Variants in AASS observed in about 807,000 individuals in gnomAD.
AASS encodes the protein aminoadipate-semialdehyde synthase, also known as alpha-aminoadipic semialdehyde synthase, mitochondrial.
A neutral mutation model predicts 105.4 loss-of-function variants in AASS; 86 were observed. That is an observed-to-expected ratio of 0.82 (90% CI 0.69 to 0.98). The LOEUF (loss-of-function observed/expected upper bound fraction) is 0.98. Ranked by LOEUF, AASS falls within the 50% of genes least tolerant of loss-of-function variation. The pLI is 0.00. For missense variants in AASS, 1,048 were observed against 1,143.2 expected, an observed-to-expected ratio of 0.92 and a Z score of 1.20; for synonymous variants, 381 against 394.8, an observed-to-expected ratio of 0.96 and a Z score of 0.41.
intron 11 of AASS, among the ~76,000 whole-genome samples, chr7:122,102,427 C>T (rs1406850814): frequency 6.6e-6 from 1 of 151,868 alleles, no homozygotes; most frequent in Non-Finnish European, 1.5e-5. Context: ...GAATATACTG[C>T]CAAGAAGTAA....
intron 1 of AASS, among the ~76,000 whole-genome samples, chr7:122,134,178 C>A (rs1207807066): frequency 1.3e-5 from 2 of 152,098 alleles, no homozygotes; most frequent in Admixed American, 6.5e-5. Flanking sequence ...CAATTTAGTG[C>A]CAACCTCTTT....
chr7:122,080,341 G>A (rs1793250353), intron 20 of AASS, among the ~76,000 whole-genome samples: 1 of 152,162 alleles, frequency 6.6e-6, no homozygotes, highest in Non-Finnish European at 1.5e-5. Flanking sequence ...TTGAAACACA[G>A]TCATGCTCAT....
At chr7:122,133,471 A>T (rs772959878) in intron 2 of AASS, 46 bp downstream of exon 2, 2 of 1,589,688 alleles carry the variant, frequency 1.3e-6, no homozygotes, top group South Asian at 2.2e-5. Context: ...TAATTTTCAT[A>T]TGCAGGTTCA....
Position 122,076,229 on chromosome 7 carries a change from A to G in AASS, c.*260T>C. On this transcript the variant is annotated 3_prime_UTR_variant, in exon 24 of 24. Coordinates refer to ENST00000417368, the MANE Select transcript of AASS (RefSeq NM_005763.4). ...AGAAAAAAAGTGGCACAATAAATTA[A>G]CAAATAGCATGATCATCACTTTCAC... The G allele has an allele frequency of 2.5e-6, 1 of 396,160 alleles. No homozygotes were observed. Among genetic ancestry groups the G allele is most frequent in the South Asian group, 3.3e-5 (1 of 30,470 alleles). The allele number at this position is 396,160 out of a possible 1,614,324, so 24.5% of individuals were successfully genotyped here. A position where few individuals can be genotyped will look rare whatever the true frequency, so the allele number is the denominator to read the frequency against.
intron 22 of AASS, 100 bp from the exon 23 acceptor site, chr7:122,078,114 CT>C: frequency 8.9e-7 from 1 of 1,123,390 alleles, no homozygotes; most frequent in Non-Finnish European, 1.3e-6. Flanking sequence ...GTTTTCCCTC[CT>C]TTTATATATG....
chr7:122,143,926 A>T (rs1398820992), intron 1 of AASS, among the ~76,000 whole-genome samples: 1 of 152,062 alleles, frequency 6.6e-6, no homozygotes, highest in Non-Finnish European at 1.5e-5. Context: ...CTCGCAGTGA[A>T]ACTCTCTGCG....
chr7:122,127,737 G>A (rs1425597633), intron 3 of AASS, among the ~76,000 whole-genome samples: 2 of 151,832 alleles, frequency 1.3e-5, no homozygotes, highest in Non-Finnish European at 2.9e-5. Flanking sequence ...CCCTAATCTC[G>A]GATCCTAGCT....
chr7:122,100,932 C>T (rs1336874610), intron 13 of AASS, among the ~76,000 whole-genome samples: 1 of 151,786 alleles, frequency 6.6e-6, no homozygotes, highest in Admixed American at 6.6e-5. Context: ...TTTGTAACCA[C>T]GAATTCACTT....
At chr7:122,130,963 G>C (rs979208890) in intron 2 of AASS, among the ~76,000 whole-genome samples, 28 of 150,436 alleles carry the variant, frequency 1.9e-4, no homozygotes, top group African/African-American at 6.6e-4. Context: ...AGTGTATATA[G>C]TAGACAGCCT....
In AASS at chr7:122,073,827, TATA is replaced by T. The variant is rs1792877724; in HGVS notation, c.*2659_*2661del. Among the ~76,000 whole-genome samples the T allele has an allele frequency of 6.6e-6, 1 of 152,204 alleles. No individual in the cohort carries two copies. Among genetic ancestry groups the T allele is most frequent in the African/African-American group, 2.4e-5 (1 of 41,452 alleles). The stretch of plus-strand genomic sequence containing the variant: ...TGGACATTTCATATAAATGAAATCA[TATA>T]ATATGTGGCCTTTCATGTCTGGCAT... On this transcript the variant is annotated 3_prime_UTR_variant, in exon 24 of 24. Coordinates refer to ENST00000417368, the MANE Select transcript of AASS (RefSeq NM_005763.4).
chr7:122,099,111 C>A (rs1159528094), intron 13 of AASS, among the ~76,000 whole-genome samples: 1 of 151,760 alleles, frequency 6.6e-6, no homozygotes, highest in Non-Finnish European at 1.5e-5. Flanking sequence ...AGATATATAT[C>A]TACAGACGTA....
At chr7:122,136,491 A>G (rs1796144014) in intron 1 of AASS, among the ~76,000 whole-genome samples, 1 of 152,226 alleles carries the variant, frequency 6.6e-6, no homozygotes, top group Non-Finnish European at 1.5e-5. Context: ...TATATACTGC[A>G]TCTATTTTTT....
In AASS at chr7:122,116,664, G is replaced by A. The variant is rs751617353; in HGVS notation, c.863C>T (p.Pro288Leu). ...ATTAAAACGACTTATGTAGCGCTCCGGATGTTTGTCATACTCTGCAGGATC... is the reference window on the plus strand; with the variant it reads ...ATTAAAACGACTTATGTAGCGCTCCAGATGTTTGTCATACTCTGCAGGATC... ...VYDPAEYDKH[P>L]ERYISRFNTD... Residue 288 changes from proline to leucine, a missense_variant, in exon 8 of 24, where the codon CCG (proline) becomes CTG (leucine). Coordinates refer to ENST00000417368, the MANE Select transcript of AASS (RefSeq NM_005763.4). The A allele has an allele frequency of 1.8e-5, 29 of 1,613,876 alleles. No homozygotes were observed. Among genetic ancestry groups the A allele is most frequent in the Non-Finnish European group, 2.3e-5 (27 of 1,179,992 alleles).
At chr7:122,101,097 GAA>G (rs1794405656) in intron 13 of AASS, among the ~76,000 whole-genome samples, 1 of 151,766 alleles carries the variant, frequency 6.6e-6, no homozygotes, top group Non-Finnish European at 1.5e-5. Context: ...GAAGCTACCT[GAA>G]GGACAATCCT....
At chr7:122,076,758 A>G (rs1793032685) in intron 23 of AASS, 151 bp from the exon 24 acceptor site, 1 of 679,328 alleles carries the variant, frequency 1.5e-6, no homozygotes, top group African/African-American at 1.8e-5. Flanking sequence ...AACGTCCCTT[A>G]GTAAATTATT....
chr7:122,137,994 G>A (rs1275957257), intron 1 of AASS, among the ~76,000 whole-genome samples: 2 of 152,104 alleles, frequency 1.3e-5, no homozygotes, highest in African/African-American at 2.4e-5. Context: ...GAACAAAGAG[G>A]AGGAAAATAG....
chr7:122,098,583 C>T lies in AASS; in HGVS notation c.1529-7G>A. The T allele has an allele frequency of 6.2e-7, 1 of 1,606,526 alleles. No individual in the cohort carries two copies. The highest frequency in any genetic ancestry group is 8.5e-7 in the Non-Finnish European group (1 of 1,174,830). On this transcript the variant is annotated splice_polypyrimidine_tract_variant and splice_region_variant and intron_variant, in intron 14 of 23. Transcript: ENST00000417368. ...TGATTCTTCATGTCAGATCCTATTT[C>T]AGTAATTAAAAGTCACATTTTTAGA...
At chr7:122,132,598 G>A (rs923553517) in intron 2 of AASS, among the ~76,000 whole-genome samples, 6 of 152,116 alleles carry the variant, frequency 3.9e-5, no homozygotes, top group Non-Finnish European at 8.8e-5. Context: ...TGCCAACCAT[G>A]GGACGACCAG....
Position 122,140,485 on chromosome 7 carries a change from C to CAAAAAAAAAAAAAAAAAA in AASS, c.-16+3658_-16+3675dup, listed in dbSNP as rs57828681. On this transcript the variant is annotated intron_variant, in intron 1 of 23. Coordinates refer to ENST00000417368, the MANE Select transcript of AASS (RefSeq NM_005763.4). Reference sequence around the variant, plus strand: ...TGGGCGACAGAGCGAGACTCAGTCTCAAAAAAAAAAAAAAAAAAAAAAAGA... The same window carrying CAAAAAAAAAAAAAAAAAA: ...TGGGCGACAGAGCGAGACTCAGTCTCAAAAAAAAAAAAAAAAAAAAAAAAAAAAAAAAAAAAAAAAAGA... 9.8e-3 allele frequency among the ~76,000 whole-genome samples: 366 copies of CAAAAAAAAAAAAAAAAAA among 37,286 alleles called. 32 individuals are homozygous for CAAAAAAAAAAAAAAAAAA. Among genetic ancestry groups the CAAAAAAAAAAAAAAAAAA allele is most frequent in the Non-Finnish European group, 0.012 (256 of 21,154 alleles). 24.5% of individuals were successfully genotyped at this position (37,286 alleles called of 152,430 possible). A position where few individuals can be genotyped will look rare whatever the true frequency, so the allele number is the denominator to read the frequency against.
Sources: allele counts gnomAD v4.1 joint callset (sites outside exome capture counted in the v4.1 genomes callset), GRCh38; gene constraint gnomAD v4.1.1; transcripts MANE v1.5; gene names NCBI Gene and HGNC (gene_info 2026-07-23, HGNC 2026-07-21).